Variants in SCYL2 observed in about 807,000 individuals in gnomAD.
SCYL2 encodes SCY1 like pseudokinase 2.
A neutral mutation model predicts 100.4 loss-of-function variants in SCYL2; 36 were observed. That is an observed-to-expected ratio of 0.36 (90% CI 0.27 to 0.47). SCYL2 has a LOEUF of 0.47. Ranked by LOEUF, SCYL2 falls within the 20% of genes least tolerant of loss-of-function variation. The pLI is 1.00. For synonymous variants in SCYL2, 330 were observed against 359.2 expected (o/e 0.92, Z 0.92); for missense variants, 902 against 1,083.9 (o/e 0.83, Z 2.36).
rs1478908700 is a variant in SCYL2 at position 100,318,835 on chromosome 12, CA to C, written c.1395+913del. ...ATGTATAGTTATAACTTTTGTTCCA[CA>C]AAGGCCATCTTAAAACACCATATAC... On this transcript the variant is annotated intron_variant, in intron 10 of 17. Coordinates refer to ENST00000360820, the MANE Select transcript of SCYL2 (RefSeq NM_017988.6). Among the ~76,000 whole-genome samples, 4 of 152,176 alleles carry C rather than the reference CA, an allele frequency of 2.6e-5. No individual in the cohort carries two copies. The East Asian group carries it at 5.8e-4, about 22-fold the overall frequency.
At chr12:100,286,314 T>C (rs892078994) in intron 2 of SCYL2, among the ~76,000 whole-genome samples, 1 of 152,222 alleles carries the variant, frequency 6.6e-6, no homozygotes, top group Non-Finnish European at 1.5e-5. Flanking sequence ...TAAGCATTTA[T>C]TTATTAAGCA....
chr12:100,295,058 T>A (rs1346147272), intron 3 of SCYL2, among the ~76,000 whole-genome samples: 4 of 132,648 alleles, frequency 3.0e-5, no homozygotes, highest in Non-Finnish European at 6.4e-5. Context: ...ACATCCCAGA[T>A]GGGGTGGCGG....
chr12:100,297,890 T>C (rs2135868142), intron 3 of SCYL2, 141 bp from the exon 4 acceptor site: 1 of 672,474 alleles, frequency 1.5e-6, no homozygotes, highest in African/African-American at 1.9e-5. Flanking sequence ...TTAAGTGGAT[T>C]ATGTCTATGC....
At chr12:100,310,969 A>T (rs1480597363) in intron 4 of SCYL2, 75 bp from the exon 5 acceptor site, 1 of 1,339,700 alleles carries the variant, frequency 7.5e-7, no homozygotes, top group Non-Finnish European at 9.9e-7. Flanking sequence ...AGCAATAATT[A>T]TTATTTTTGT....
intron 9 of SCYL2, 151 bp from the exon 10 acceptor site, chr12:100,317,652 T>G: frequency 1.5e-5 from 21 of 1,403,726 alleles, no homozygotes; most frequent in Non-Finnish European, 1.9e-5. Context: ...GAGACTTGAT[T>G]TGTGTGTTTT....
chr12:100,279,368 C>G, intron 1 of SCYL2, among the ~76,000 whole-genome samples: 1 of 152,248 alleles, frequency 6.6e-6, no homozygotes, highest in East Asian at 1.9e-4. Context: ...TACCGCTCAC[C>G]TCCTGCTCTG....
intron 1 of SCYL2, among the ~76,000 whole-genome samples, chr12:100,281,723 A>G (rs2096298604): frequency 6.6e-6 from 1 of 151,408 alleles, no homozygotes; most frequent in African/African-American, 2.4e-5. Flanking sequence ...AGTCCCAGCT[A>G]CTCGGGAGGC....
chr12:100,307,273 A>G (rs1283435104), intron 4 of SCYL2, among the ~76,000 whole-genome samples: 1 of 152,218 alleles, frequency 6.6e-6, no homozygotes, highest in Non-Finnish European at 1.5e-5. Context: ...CCAAAACAGC[A>G]TGGTACTGAT....
intron 1 of SCYL2, among the ~76,000 whole-genome samples, chr12:100,277,049 A>G (rs990593456): frequency 3.9e-5 from 6 of 152,080 alleles, no homozygotes; most frequent in African/African-American, 1.4e-4. Context: ...CAGTTTTTCT[A>G]TATATTTTAA....
Position 100,339,365 on chromosome 12 carries a change from G to T in SCYL2, c.*193G>T. ...CCAGTTGAGTTTTTTAAAGCATTGA[G>T]GATTTTTTCCTCTTACCAACTCCTC... On this transcript the variant is annotated 3_prime_UTR_variant, in exon 18 of 18. Transcript: ENST00000360820. 1 of 560,150 alleles carries T rather than the reference G, an allele frequency of 1.8e-6. No individual in the cohort carries two copies. The highest frequency in any genetic ancestry group is 3.1e-5 in the South Asian group (1 of 32,780). The allele number at this position is 560,150 out of a possible 1,614,324, so 34.7% of individuals were successfully genotyped here.
intron 9 of SCYL2, among the ~76,000 whole-genome samples, chr12:100,317,488 C>T (rs928411566): frequency 6.6e-5 from 10 of 152,178 alleles, no homozygotes; most frequent in African/African-American, 2.2e-4. Context: ...GGATATCTCA[C>T]TTTACTGGCT....
chr12:100,292,018 A>G (rs1330774818), intron 3 of SCYL2: 1 of 169,714 alleles, frequency 5.9e-6, no homozygotes, highest in Non-Finnish European at 1.2e-5. Context: ...TTGATACAGT[A>G]TTTGGAGGCC....
At position 100,317,901 on chromosome 12, in the gene SCYL2, A is replaced by G. The variant is rs2096350908; in HGVS notation, c.1371A>G (p.Leu457=). The G allele has an allele frequency of 6.3e-7, 1 of 1,590,538 alleles. No individual in the cohort carries two copies. Among genetic ancestry groups the G allele is most frequent in the East Asian group, 2.3e-5 (1 of 44,426 alleles). Residue 457 remains leucine, a synonymous_variant, in exon 10 of 18, where the codon CTA becomes CTG. Coordinates refer to ENST00000360820, the MANE Select transcript of SCYL2 (RefSeq NM_017988.6). ...NSVLPMVYRA[L]EAPSIQIQEL... The stretch of plus-strand genomic sequence containing the variant: ...TTCTACCCATGGTTTACAGAGCACT[A>G]GAAGCTCCTTCCATTCAGATCCAGG...
At chr12:100,308,529 C>T (rs1302342072) in intron 4 of SCYL2, among the ~76,000 whole-genome samples, 1 of 152,078 alleles carries the variant, frequency 6.6e-6, no homozygotes, top group Non-Finnish European at 1.5e-5. Context: ...GGAGAAATAC[C>T]TAATGTAGGT....
chr12:100,279,373 G>A (rs1309163807), intron 1 of SCYL2, among the ~76,000 whole-genome samples: 1 of 152,240 alleles, frequency 6.6e-6, no homozygotes, highest in East Asian at 1.9e-4. Context: ...CTCACCTCCT[G>A]CTCTGCAGCC....
chr12:100,305,756 C>T (rs560166634), intron 4 of SCYL2, among the ~76,000 whole-genome samples: 65 of 140,536 alleles, frequency 4.6e-4, no homozygotes, highest in African/African-American at 1.6e-3. Flanking sequence ...ACAAAATAGA[C>T]TGCTAGCCAG....
At chr12:100,278,882 C>A (rs1215592204) in intron 1 of SCYL2, among the ~76,000 whole-genome samples, 1 of 152,158 alleles carries the variant, frequency 6.6e-6, no homozygotes, top group Admixed American at 6.5e-5. Flanking sequence ...CCTACCTCAG[C>A]CTCCCAAAGT....
At chr12:100,331,881 C>T (rs1330104065) in intron 13 of SCYL2, among the ~76,000 whole-genome samples, 1 of 152,068 alleles carries the variant, frequency 6.6e-6, no homozygotes, top group Non-Finnish European at 1.5e-5. Flanking sequence ...ACATTTTCAG[C>T]ATTTGAATAA....
chr12:100,287,668 A>G (rs1248676566), intron 2 of SCYL2, among the ~76,000 whole-genome samples: 2 of 152,158 alleles, frequency 1.3e-5, no homozygotes, highest in East Asian at 3.8e-4. Context: ...GATACCATAT[A>G]TTGCTTATAT....
Sources: gnomAD v4.1 joint callset for allele counts (sites outside exome capture counted in the v4.1 genomes callset) on GRCh38, gnomAD v4.1.1 for gene constraint, MANE v1.5 for transcripts, NCBI Gene and HGNC (gene_info 2026-07-23, HGNC 2026-07-21) for gene names.